CNOT6L: variants seen among roughly 807,000 people sequenced by gnomAD.
The protein encoded by CNOT6L is CCR4-NOT transcription complex subunit 6 like, also known as CCR4-NOT transcription complex subunit 6-like.
A neutral mutation model predicts 64.0 loss-of-function variants in CNOT6L; 7 were observed. The observed-to-expected ratio is 0.11, with a 90% CI of 0.06 to 0.21. CNOT6L has a LOEUF of 0.21. CNOT6L is among the 10% of genes least tolerant of loss of function. The probability of loss-of-function intolerance (pLI) is 1.00; values close to 1 mark genes in which losing one functional copy is unlikely to be tolerated. For synonymous variants in CNOT6L, 193 were observed against 243.4 expected (o/e 0.79, Z 1.93); for missense variants, 245 against 669.0 (o/e 0.37, Z 6.99).
chr4:77,752,664 T>C (rs1322092861), intron 5 of CNOT6L, among the ~76,000 whole-genome samples: 1 of 151,838 alleles, frequency 6.6e-6, no homozygotes, highest in Non-Finnish European at 1.5e-5. Context: ...TATGCTGAAC[T>C]GAATGATAAT....
chr4:77,816,360 CTTT>C (rs1733576836), intron 1 of CNOT6L, among the ~76,000 whole-genome samples: 1 of 152,052 alleles, frequency 6.6e-6, no homozygotes, highest in African/African-American at 2.4e-5. Flanking sequence ...ATTTCTATTT[CTTT>C]GTTTCTAAGG....
intron 4 of CNOT6L, among the ~76,000 whole-genome samples, chr4:77,763,631 A>G (rs2110023942): frequency 6.6e-6 from 1 of 152,312 alleles, no homozygotes; most frequent in South Asian, 2.1e-4. Flanking sequence ...AATCTGAGAA[A>G]TACAACTTAC....
At chr4:77,784,632 C>T (rs1313153995) in intron 1 of CNOT6L, among the ~76,000 whole-genome samples, 1 of 151,854 alleles carries the variant, frequency 6.6e-6, no homozygotes, top group Non-Finnish European at 1.5e-5. Flanking sequence ...TACAGGTGCA[C>T]GCCACCACCA....
intron 6 of CNOT6L, among the ~76,000 whole-genome samples, 193 bp from the exon 7 acceptor site, chr4:77,745,068 TTAAGTC>T (rs373013288): frequency 1.3e-5 from 2 of 152,380 alleles, no homozygotes; most frequent in Admixed American, 6.5e-5. Context: ...ATTTATTTTA[TTAAGTC>T]TAGAATTAGA....
intron 1 of CNOT6L, among the ~76,000 whole-genome samples, chr4:77,781,116 T>C (rs1404471904): frequency 6.6e-6 from 1 of 151,536 alleles, no homozygotes; most frequent in East Asian, 1.9e-4. Flanking sequence ...CACTCCTAAG[T>C]GGGAGATGAA....
At chr4:77,816,011 C>T (rs1254593277) in intron 1 of CNOT6L, among the ~76,000 whole-genome samples, 2 of 152,178 alleles carry the variant, frequency 1.3e-5, no homozygotes, top group African/African-American at 2.4e-5. Context: ...TACAGAAATT[C>T]CTAAGTATTC....
intron 4 of CNOT6L, among the ~76,000 whole-genome samples, chr4:77,770,068 T>C (rs1727354740): frequency 2.6e-5 from 4 of 152,206 alleles, no homozygotes. Flanking sequence ...CTTACTAGAC[T>C]GGCGGTGTCT....
chr4:77,783,329 T>C (rs1321641432), intron 1 of CNOT6L, among the ~76,000 whole-genome samples: 1 of 152,214 alleles, frequency 6.6e-6, no homozygotes, highest in African/African-American at 2.4e-5. Flanking sequence ...CTAGGGTGCT[T>C]CAATAGTGAA....
chr4:77,731,528 C>A lies in CNOT6L; in HGVS notation c.883G>T (p.Val295Leu). The A allele has an allele frequency of 6.4e-7, 1 of 1,572,844 alleles. No homozygotes were observed. The change falls in exon 9 of 12, where the codon GTG becomes TTG. Residue 295 changes from valine (V) to leucine (L), a missense_variant. By Grantham distance (32) the Val-to-Leu change is conservative. Around this residue, in one of 10 missense-constraint regions of CNOT6L, gnomAD observed 94 missense variants for 290.9 expected, o/e 0.32. Transcript: ENST00000504123. ...TTAAATTCCACTGTATGCTTCTGCA[C>A]CAATGTAAATCTAAAAGGTACATTA... Reference protein sequence around the residue: ...IFFKTEKFTLVQKHTVEFNQV... With the variant: ...IFFKTEKFTLLQKHTVEFNQV...
At chr4:77,768,474 AATATATATATATATATATATATATATAT>A (rs1193284066) in intron 4 of CNOT6L, among the ~76,000 whole-genome samples, 33 of 13,116 alleles carry the variant, frequency 2.5e-3, no homozygotes, top group Non-Finnish European at 4.7e-3. Flanking sequence ...AAAATAAATA[AATATATATATATATATATATATATATAT>A]ATATATATAT....
At chr4:77,801,903 T>C (rs1276082992) in intron 1 of CNOT6L, among the ~76,000 whole-genome samples, 1 of 152,170 alleles carries the variant, frequency 6.6e-6, no homozygotes, top group Non-Finnish European at 1.5e-5. Context: ...TATGTCCCCC[T>C]GTCCTAAAAT....
At position 77,717,494 on chromosome 4, in the gene CNOT6L, T is replaced by TTATC. The variant is rs1192833726; in HGVS notation, c.*2933_*2936dup. ...ATTCTAAAAATGCCCAGATTTTCTT[T>TTATC]TATCTTCTGATTAAAATATGCAGCA... On this transcript the variant is annotated 3_prime_UTR_variant, in exon 12 of 12. Transcript: ENST00000504123. 5 of 152,600 alleles carry TTATC rather than the reference T, an allele frequency of 3.3e-5. No individual in the cohort carries two copies. The highest frequency in any genetic ancestry group is 2.6e-4 in the Admixed American group (4 of 15,266). The allele number at this position is 152,600 out of a possible 1,614,324, so 9.5% of individuals were successfully genotyped here. A position where few individuals can be genotyped will look rare whatever the true frequency, so the allele number is the denominator to read the frequency against.
chr4:77,815,447 C>T (rs540149605), intron 1 of CNOT6L, among the ~76,000 whole-genome samples: 2 of 152,306 alleles, frequency 1.3e-5, no homozygotes, highest in East Asian at 3.9e-4. Flanking sequence ...TGACTCTTCC[C>T]TCCTTTCTCC....
intron 1 of CNOT6L, among the ~76,000 whole-genome samples, chr4:77,793,186 G>A (rs1252915982): frequency 6.6e-6 from 1 of 152,078 alleles, no homozygotes; most frequent in Non-Finnish European, 1.5e-5. Context: ...GAAAAAGCCA[G>A]AGGTTATGAA....
At chr4:77,732,225 AT>A (rs1166598491) in intron 8 of CNOT6L, among the ~76,000 whole-genome samples, 2 of 152,152 alleles carry the variant, frequency 1.3e-5, no homozygotes, top group African/African-American at 4.8e-5. Flanking sequence ...TGCACTAATA[AT>A]TTTTTCTTTC....
At chr4:77,786,685 C>T (rs1395955237) in intron 1 of CNOT6L, among the ~76,000 whole-genome samples, 1 of 151,810 alleles carries the variant, frequency 6.6e-6, no homozygotes, top group African/African-American at 2.4e-5. Context: ...CCACATTCCC[C>T]AGGCTGGTCT....
chr4:77,717,017 CTA>C lies in CNOT6L; in HGVS notation c.*3412_*3413del, dbSNP rs1347206717. 1.1e-4 allele frequency: 17 copies of C among 152,462 alleles called. No individual in the cohort carries two copies. The Admixed American group carries it at 1.1e-3, about 10-fold the overall frequency. The allele number at this position is 152,462 out of a possible 1,614,324, so 9.4% of individuals were successfully genotyped here. On this transcript the variant is annotated 3_prime_UTR_variant, in exon 12 of 12. Coordinates refer to ENST00000504123, the MANE Select transcript of CNOT6L (RefSeq NM_144571.3). ...AAAGAAATGAAACAAAAATATTCAG[CTA>C]TGTTATTATACAAAATTTTTTTTAC...
At chr4:77,773,776 C>A (rs1233550603) in intron 3 of CNOT6L, among the ~76,000 whole-genome samples, 1 of 151,928 alleles carries the variant, frequency 6.6e-6, no homozygotes, top group Non-Finnish European at 1.5e-5. Flanking sequence ...TCAACAATCA[C>A]TGACATGAAA....
intron 1 of CNOT6L, among the ~76,000 whole-genome samples, chr4:77,791,701 A>G (rs1196843683): frequency 1.3e-5 from 2 of 152,138 alleles, no homozygotes; most frequent in Non-Finnish European, 1.5e-5. Context: ...GAGAAAAATT[A>G]ATCTGATTTT....
Sources: gnomAD v4.1 joint callset for allele counts (sites outside exome capture counted in the v4.1 genomes callset) on GRCh38, gnomAD v4.1.1 for gene constraint, gnomAD v4.1.1 regional missense constraint, MANE v1.5 for transcripts, NCBI Gene and HGNC (gene_info 2026-07-23, HGNC 2026-07-21) for gene names.